LHCGR: variants seen among roughly 807,000 people sequenced by gnomAD.
LHCGR encodes the protein luteinizing hormone/choriogonadotropin receptor.
Under a neutral mutation model 60.7 loss-of-function variants are expected in LHCGR, and 55 were observed. The observed-to-expected ratio is 0.91, with a 90% CI of 0.73 to 1.13. The LOEUF (loss-of-function observed/expected upper bound fraction) is 1.13. Ranked by LOEUF, LHCGR falls within the 50% of genes most tolerant of loss-of-function variation. The pLI is 0.00. For missense variants in LHCGR, 862 were observed against 836.0 expected, an observed-to-expected ratio of 1.03 and a Z score of -0.38; for synonymous variants, 337 against 316.5, an observed-to-expected ratio of 1.06 and a Z score of -0.69.
At chr2:48,732,910 A>G (rs1669060939) in intron 1 of LHCGR, 2 of 534,480 alleles carry the variant, frequency 3.7e-6, no homozygotes, top group Admixed American at 1.9e-5. Flanking sequence ...CAAGAAGGAC[A>G]TCGTTTAACA....
chr2:48,743,182 G>C (rs1386024436), intron 1 of LHCGR, among the ~76,000 whole-genome samples: 4 of 152,192 alleles, frequency 2.6e-5, no homozygotes, highest in African/African-American at 9.7e-5. Context: ...AACAGGATCT[G>C]AAATTGTGGC....
At chr2:48,694,526 AG>A (rs1667022986) in intron 9 of LHCGR, among the ~76,000 whole-genome samples, 1 of 152,180 alleles carries the variant, frequency 6.6e-6, no homozygotes, top group Admixed American at 6.5e-5. Flanking sequence ...CTGAATACTA[AG>A]CATTTTGTGT....
At chr2:48,728,407 G>C (rs1668842213) in intron 3 of LHCGR, among the ~76,000 whole-genome samples, 2 of 152,162 alleles carry the variant, frequency 1.3e-5, no homozygotes, top group South Asian at 2.1e-4. Flanking sequence ...CTCCAAAGTA[G>C]GTAAAGTTTG....
chr2:48,728,092 T>G (rs1244440730), intron 3 of LHCGR, among the ~76,000 whole-genome samples: 1 of 151,818 alleles, frequency 6.6e-6, no homozygotes, highest in Non-Finnish European at 1.5e-5. Context: ...TATGAGTTTT[T>G]TTTTTTTTTT....
intron 4 of LHCGR, among the ~76,000 whole-genome samples, chr2:48,724,737 C>T (rs1668644695): frequency 6.6e-6 from 1 of 152,070 alleles, no homozygotes; most frequent in Admixed American, 6.5e-5. Flanking sequence ...TGCTTATGTG[C>T]CCTATAGACA....
intron 7 of LHCGR, among the ~76,000 whole-genome samples, chr2:48,709,789 C>A (rs576636822): frequency 6.6e-6 from 1 of 152,134 alleles, no homozygotes; most frequent in East Asian, 1.9e-4. Context: ...TCTGGTCCTC[C>A]TAGGCAGCCT....
chr2:48,753,805 A>AGTGTGTGTGT (rs70946826), intron 1 of LHCGR, among the ~76,000 whole-genome samples: 58 of 149,930 alleles, frequency 3.9e-4, no homozygotes, highest in South Asian at 1.1e-3. Context: ...GGAGAAACTG[A>AGTGTGTGTGT]GTGTGTGTGT....
chr2:48,742,146 C>A (rs1669486703), intron 1 of LHCGR, among the ~76,000 whole-genome samples: 1 of 151,850 alleles, frequency 6.6e-6, no homozygotes, highest in Non-Finnish European at 1.5e-5. Context: ...AGCTAACTAT[C>A]CTAAATATAT....
intron 8 of LHCGR, among the ~76,000 whole-genome samples, chr2:48,703,233 C>A (rs1024834495): frequency 9.2e-5 from 14 of 152,196 alleles, no homozygotes; most frequent in African/African-American, 3.4e-4. Flanking sequence ...TGCCTGTTTA[C>A]TCTGCTGATA....
At chr2:48,729,473 A>G (rs1668892234) in intron 2 of LHCGR, among the ~76,000 whole-genome samples, 1 of 152,132 alleles carries the variant, frequency 6.6e-6, no homozygotes, top group Admixed American at 6.5e-5. Flanking sequence ...TTATGTGACA[A>G]GTTTTTCTCT....
At position 48,714,074 on chromosome 2, in the gene LHCGR, G is replaced by C. The variant is rs757888797; in HGVS notation, c.537-20C>G. ...AGTTTGCTGAAGGAGGGAGGAGAGG[G>C]TTTAGGAATGGGAAGAAACTGAAAG... On this transcript the variant is annotated intron_variant, in intron 6 of 10. Transcript: ENST00000294954. The C allele has an allele frequency of 1.2e-5, 19 of 1,574,636 alleles. No homozygotes were observed. Among genetic ancestry groups the C allele is most frequent in the Non-Finnish European group, 1.7e-5 (19 of 1,144,162 alleles).
chr2:48,731,089 T>C (rs1426791828), intron 2 of LHCGR, 138 bp downstream of exon 2: 1 of 626,528 alleles, frequency 1.6e-6, no homozygotes, highest in Non-Finnish European at 2.8e-6. Flanking sequence ...TTATTTGTAT[T>C]ACAAAGATAA....
chr2:48,724,567 G>T (rs1340715947), intron 4 of LHCGR, among the ~76,000 whole-genome samples: 1 of 152,206 alleles, frequency 6.6e-6, no homozygotes, highest in African/African-American at 2.4e-5. Flanking sequence ...AGCAGTGTGG[G>T]ATTAGACTGC....
rs977700501 is a variant in LHCGR, at chr2:48,694,175, A to T, written c.947+49T>A. The T allele has an allele frequency of 3.7e-6, 4 of 1,072,260 alleles. No individual in the cohort carries two copies. The Admixed American group carries it at 7.6e-5, about 20-fold the overall frequency. The allele number at this position is 1,072,260 out of a possible 1,614,324, so 66.4% of individuals were successfully genotyped here. A position where few individuals can be genotyped will look rare whatever the true frequency, so the allele number is the denominator to read the frequency against. ...ATAATTGATGCTGATAATAAGGTGC[A>T]CACAGAACAAGATACGACTTCTGAG... On this transcript the variant is annotated intron_variant, in intron 10 of 10. Transcript: ENST00000294954.
intron 6 of LHCGR, 137 bp downstream of exon 6, chr2:48,723,319 C>G: frequency 1.4e-6 from 1 of 730,980 alleles, no homozygotes; most frequent in Admixed American, 2.0e-5. Context: ...CTCCCTTCAC[C>G]CTTAGCATTT....
chr2:48,755,616 G>GGCTGCAGCTGCAGCAGCGGCGGCTGCA lies in LHCGR; in HGVS notation c.55_56insTGCAGCCGCCGCTGCTGCAGCTGCAGC (p.Gln18_Pro19insLeuGlnProProLeuLeuGlnLeuGln). 1.3e-6 allele frequency: 2 copies of GGCTGCAGCTGCAGCAGCGGCGGCTGCA among 1,532,452 alleles called. No homozygotes were observed. Among genetic ancestry groups the GGCTGCAGCTGCAGCAGCGGCGGCTGCA allele is most frequent in the Non-Finnish European group, 1.7e-6 (2 of 1,142,874 alleles). 94.9% of individuals were successfully genotyped at this position (1,532,452 alleles called of 1,614,324 possible). Reference sequence around the variant, plus strand: ...CTCGCGCAGCGCTCGTGGCAGCGGCGGCTGCAGCAGCAGCAGCAGCTTCAG... The same window carrying GGCTGCAGCTGCAGCAGCGGCGGCTGCA: ...CTCGCGCAGCGCTCGTGGCAGCGGCGGCTGCAGCTGCAGCAGCGGCGGCTGCAGCTGCAGCAGCAGCAGCAGCTTCAG... On this transcript the variant is annotated inframe_insertion, in exon 1 of 11. Transcript: ENST00000294954.
At position 48,687,992 on chromosome 2, in the gene LHCGR, G is replaced by A. The variant is rs756089036; in HGVS notation, c.1805C>T (p.Thr602Ile). 1.2e-6 allele frequency: 2 copies of A among 1,614,138 alleles called. No homozygotes were observed. Among genetic ancestry groups the A allele is most frequent in the Non-Finnish European group, 1.7e-6 (2 of 1,180,008 alleles). The change falls in exon 11 of 11, where the codon ACC becomes ATC. Residue 602 changes from threonine (T) to isoleucine (I), a missense_variant. Coordinates refer to ENST00000294954, the MANE Select transcript of LHCGR (RefSeq NM_000233.4). ...AAGAACCAGTAAAACTTTAGAGTTG[G>A]TTACTGTGATAAGAGGTACTTTGAA... ...AAFKVPLITVTNSKVLLVLFY... is the reference protein window; with the variant it reads ...AAFKVPLITVINSKVLLVLFY...
At chr2:48,707,615 C>A (rs1443369539) in intron 8 of LHCGR, among the ~76,000 whole-genome samples, 1 of 152,266 alleles carries the variant, frequency 6.6e-6, no homozygotes, top group Non-Finnish European at 1.5e-5. Flanking sequence ...TTTAGAGAGG[C>A]AGTCAGCCTT....
intron 1 of LHCGR, among the ~76,000 whole-genome samples, chr2:48,743,326 C>A (rs559564647): frequency 2.6e-5 from 4 of 152,190 alleles, no homozygotes; most frequent in African/African-American, 9.6e-5. Flanking sequence ...AGAGGGAATC[C>A]TCCCTAACTC....
Sources: gnomAD v4.1 joint callset for allele counts (sites outside exome capture counted in the v4.1 genomes callset) on GRCh38, gnomAD v4.1.1 for gene constraint, MANE v1.5 for transcripts, NCBI Gene and HGNC (gene_info 2026-07-23, HGNC 2026-07-21) for gene names.